The following UNC13A variants were observed in gnomAD, a reference collection of about 807,000 sequenced individuals.
UNC13A encodes unc-13 homolog A.
Under a neutral mutation model 219.7 loss-of-function variants are expected in UNC13A, and 61 were observed. The observed-to-expected ratio is 0.28, with a 90% CI of 0.23 to 0.34. The LOEUF is 0.34. UNC13A is among the 10% of genes least tolerant of loss of function. UNC13A has a pLI of 1.00. For synonymous variants in UNC13A, 920 were observed against 884.6 expected (o/e 1.04, Z -0.71); for missense variants, 1,476 against 2,270.3 (o/e 0.65, Z 7.11).
chr19:17,611,932 C>A, intron 41 of UNC13A, 77 bp from the exon 42 acceptor site: 1 of 1,313,264 alleles, frequency 7.6e-7, no homozygotes, highest in Non-Finnish European at 1.1e-6. Context: ...GACGGCCTCC[C>A]ACCCACCTGT....
intron 8 of UNC13A, among the ~76,000 whole-genome samples, chr19:17,660,094 A>C (rs558917058): frequency 2.0e-5 from 3 of 151,816 alleles, no homozygotes; most frequent in African/African-American, 4.8e-5. Context: ...TAGAGATGGG[A>C]TCTCCCTATA....
At chr19:17,641,780 CCATT>C (rs754041328) in intron 20 of UNC13A, among the ~76,000 whole-genome samples, 5 of 151,996 alleles carry the variant, frequency 3.3e-5, no homozygotes, top group Non-Finnish European at 7.4e-5. Context: ...ATCCATCCAT[CCATT>C]CATCCATCCC....
In UNC13A at chr19:17,606,196, C is replaced by T. The variant is rs754726804; in HGVS notation, c.4970G>A (p.Arg1657His). Residue 1657 changes from arginine (R) to histidine (H), a missense_variant, in exon 44 of 44, where the codon CGC (arginine) becomes CAC (histidine). Around this residue, in one of 14 missense-constraint regions of UNC13A, gnomAD observed 187 missense variants for 172.3 expected, o/e 1.09. Transcript: ENST00000519716. ...GSAACWLPLG[R>H]RIHMDDTGLT... ...GCCCGTGTCGTCCATGTGGATGCGG[C>T]GGCCGAGCGGCAGCCAGCAGGCGGC... is the stretch of plus-strand genomic sequence containing the variant. 1.9e-6 allele frequency: 3 copies of T among 1,552,230 alleles called. No individual in the cohort carries two copies. Among genetic ancestry groups the T allele is most frequent in the South Asian group, 2.4e-5 (2 of 84,350 alleles).
At chr19:17,646,242 G>T in intron 17 of UNC13A, 131 bp from the exon 18 acceptor site, 1 of 1,266,900 alleles carries the variant, frequency 7.9e-7, no homozygotes, top group Non-Finnish European at 1.1e-6. Context: ...GGCAGGGCAC[G>T]CTGGGCTTGC....
In UNC13A at chr19:17,665,203, G is replaced by A. The variant is rs1041355153; in HGVS notation, c.523+1447C>T. On this transcript the variant is annotated intron_variant, in intron 7 of 43. Transcript: ENST00000519716. ...TGACAGAGGGAGACTCTATCTCCAA[G>A]AAAAAAAAAAAGAGAAGAAGAAAAG... 2.2e-3 allele frequency among the ~76,000 whole-genome samples: 317 copies of A among 146,246 alleles called. 1 individual carries two copies. Among genetic ancestry groups the A allele is most frequent in the Middle Eastern group, 0.011 (3 of 284 alleles).
At chr19:17,621,178 T>G (rs2076726052) in intron 37 of UNC13A, among the ~76,000 whole-genome samples, 1 of 152,130 alleles carries the variant, frequency 6.6e-6, no homozygotes, top group African/African-American at 2.4e-5. Context: ...CCTAAACACT[T>G]GCAGGCACGT....
chr19:17,660,847 C>T (rs1406398836), intron 8 of UNC13A, among the ~76,000 whole-genome samples: 5 of 151,932 alleles, frequency 3.3e-5, no homozygotes, highest in East Asian at 1.9e-4. Context: ...TGCTTTTGAC[C>T]GTACTGTTCG....
At position 17,630,297 on chromosome 19, in the gene UNC13A, G is replaced by A; in HGVS notation, c.3526-9C>T. ...TCTGAGGTCTGCTGGAACTGCAGGGGGAAGGAGGCCAAGAGGAAGGAGGAG... is the reference window on the plus strand; with the variant it reads ...TCTGAGGTCTGCTGGAACTGCAGGGAGAAGGAGGCCAAGAGGAAGGAGGAG... On this transcript the variant is annotated splice_polypyrimidine_tract_variant and intron_variant, in intron 29 of 43. Transcript: ENST00000519716. The A allele has an allele frequency of 6.4e-7, 1 of 1,560,796 alleles. No homozygotes were observed. Among genetic ancestry groups the A allele is most frequent in the African/African-American group, 1.4e-5 (1 of 73,548 alleles).
intron 12 of UNC13A, among the ~76,000 whole-genome samples, chr19:17,650,275 A>G (rs1044244051): frequency 2.0e-5 from 3 of 152,138 alleles, no homozygotes; most frequent in Admixed American, 6.5e-5. Flanking sequence ...ACACTTTGGG[A>G]GGCCGAGGCG....
chr19:17,680,113 G>A (rs888639027), intron 1 of UNC13A, among the ~76,000 whole-genome samples: 8 of 151,612 alleles, frequency 5.3e-5, no homozygotes, highest in African/African-American at 1.9e-4. Context: ...AAGGGTGTTC[G>A]CGGTGAGGGA....
intron 1 of UNC13A, among the ~76,000 whole-genome samples, chr19:17,684,222 A>G (rs1462473357): frequency 2.6e-5 from 4 of 152,238 alleles, no homozygotes; most frequent in Middle Eastern, 3.4e-3. Flanking sequence ...CCAGAGCACC[A>G]TCTCCCTCCT....
chr19:17,673,702 CA>C (rs983389739), intron 3 of UNC13A, among the ~76,000 whole-genome samples: 16 of 129,766 alleles, frequency 1.2e-4, no homozygotes, highest in African/African-American at 1.2e-4. Context: ...CAAAACAAAA[CA>C]AAAAAAAAAG....
intron 23 of UNC13A, 49 bp from the exon 24 acceptor site, chr19:17,639,574 G>C (rs1227565678): frequency 6.3e-7 from 1 of 1,578,962 alleles, no homozygotes; most frequent in Non-Finnish European, 8.6e-7. Context: ...GGCGTGGGGA[G>C]GATGGGAGAC....
chr19:17,658,588 A>T (rs1408878569), intron 8 of UNC13A, among the ~76,000 whole-genome samples: 2 of 152,094 alleles, frequency 1.3e-5, no homozygotes, highest in Non-Finnish European at 2.9e-5. Flanking sequence ...GAAGGTCAGG[A>T]TCTCTGAAAA....
intron 43 of UNC13A, 25 bp from the exon 44 acceptor site, chr19:17,606,379 A>G (rs1417346616): frequency 1.3e-6 from 2 of 1,537,288 alleles, no homozygotes; most frequent in South Asian, 1.2e-5. Context: ...GCGGAACGTG[A>G]GACAGGCCAC....
rs761202370 is a variant in UNC13A at position 17,666,905 on chromosome 19, AGAGAGAAAGACAG to A, written c.469-214_469-202del. ...ACGAGAGAGAGAGAGAGAGAGAGAG[AGAGAGAAAGACAG>A]AGACAGAGACAGAGACAGAAAAAGT... On this transcript the variant is annotated intron_variant, in intron 6 of 43. Transcript: ENST00000519716. Among the ~76,000 whole-genome samples, 188 of 80,764 alleles carry A rather than the reference AGAGAGAAAGACAG, an allele frequency of 2.3e-3. 1 individual carries two copies. The highest frequency in any genetic ancestry group is 6.0e-3 in the African/African-American group (148 of 24,528). 53.0% of individuals were successfully genotyped at this position (80,764 alleles called of 152,430 possible).
intron 8 of UNC13A, among the ~76,000 whole-genome samples, chr19:17,662,996 A>G (rs917995946): frequency 2.7e-5 from 4 of 150,738 alleles, no homozygotes; most frequent in African/African-American, 9.8e-5. Context: ...TCCCTGGGAG[A>G]GCAAATGAAG....
Position 17,618,509 on chromosome 19 carries a change from G to A in UNC13A, c.4330-8C>T. On this transcript the variant is annotated splice_region_variant and splice_polypyrimidine_tract_variant and intron_variant, in intron 39 of 43. Transcript: ENST00000519716. The stretch of plus-strand genomic sequence containing the variant: ...TTCTCGTACCATGTGATCCTGGATG[G>A]ATGGGGAGAGGGGCCATGTGGGTGG... 6.3e-7 allele frequency: 1 copy of A among 1,583,252 alleles called. No individual in the cohort carries two copies. The highest frequency in any genetic ancestry group is 1.3e-5 in the African/African-American group (1 of 74,332).
intron 20 of UNC13A, among the ~76,000 whole-genome samples, chr19:17,642,367 C>T (rs1198389302): frequency 1.3e-5 from 2 of 152,166 alleles, no homozygotes; most frequent in Non-Finnish European, 2.9e-5. Context: ...TCCATCTAGC[C>T]ACGAATCTAC....
Sources: allele counts gnomAD v4.1 joint callset (sites outside exome capture counted in the v4.1 genomes callset), GRCh38; gene constraint gnomAD v4.1.1; regional missense constraint gnomAD v4.1.1; transcripts MANE v1.5; gene names NCBI Gene and HGNC (gene_info 2026-07-23, HGNC 2026-07-21).